The following KRT72 variants were observed in gnomAD, a reference collection of about 807,000 sequenced individuals.
KRT72 encodes the protein keratin 72.
A neutral mutation model predicts 44.7 loss-of-function variants in KRT72; 44 were observed. That is an observed-to-expected ratio of 0.98 (90% CI 0.77 to 1.27). The LOEUF is 1.27. Ranked by LOEUF, KRT72 falls within the 50% of genes most tolerant of loss-of-function variation. KRT72 has a pLI of 0.00. For missense variants in KRT72, 736 were observed against 667.1 expected, an observed-to-expected ratio of 1.10 and a Z score of -1.14; for synonymous variants, 302 against 280.4, an observed-to-expected ratio of 1.08 and a Z score of -0.77.
In KRT72 at chr12:52,585,994, CT is replaced by C; in HGVS notation, c.1523del (p.Lys508ArgfsTer134). 6.2e-7 allele frequency: 1 copy of C among 1,613,070 alleles called. No homozygotes were observed. Among genetic ancestry groups the C allele is most frequent in the Non-Finnish European group, 8.5e-7 (1 of 1,179,352 alleles). The stretch of plus-strand genomic sequence containing the variant: ...AACCACTTGTCCATCATCTGGAGGC[CT>C]TTTTGGTGGCACAGCTGCTCCCCGA... ...KTSGSSCATK[K>X]ASR On this transcript the variant is annotated frameshift_variant, in exon 9 of 9. Coordinates refer to ENST00000293745, the MANE Select transcript of KRT72 (RefSeq NM_080747.3). LOFTEE classifies it high-confidence loss of function.
chr12:52,590,627 C>T (rs1055627208), intron 6 of KRT72, among the ~76,000 whole-genome samples: 5 of 152,208 alleles, frequency 3.3e-5, no homozygotes, highest in Non-Finnish European at 5.9e-5. Flanking sequence ...CTGGGGTCCT[C>T]ATTCACCTCT....
At chr12:52,591,972 C>A (rs139917381) in intron 4 of KRT72, among the ~76,000 whole-genome samples, 124 of 152,316 alleles carry the variant, frequency 8.1e-4, no homozygotes, top group African/African-American at 2.8e-3. Context: ...GTCCCTTCCC[C>A]AGGCCTCTGC....
Position 52,585,689 on chromosome 12 carries a change from G to A in KRT72, c.*293C>T. The A allele has an allele frequency of 3.1e-6, 1 of 323,202 alleles. No individual in the cohort carries two copies. Among genetic ancestry groups the A allele is most frequent in the Non-Finnish European group, 5.7e-6 (1 of 175,330 alleles). 20.0% of individuals were successfully genotyped at this position (323,202 alleles called of 1,614,324 possible). On this transcript the variant is annotated 3_prime_UTR_variant, in exon 9 of 9. Coordinates refer to ENST00000293745, the MANE Select transcript of KRT72 (RefSeq NM_080747.3). ...GTAGTGAAGGCCCAAGAAAGGCATG[G>A]GGGCAGAGGGGCTTGTAGCTGGCCT...
chr12:52,596,620 C>T (rs1940235481), intron 2 of KRT72, among the ~76,000 whole-genome samples: 1 of 151,206 alleles, frequency 6.6e-6, no homozygotes, highest in South Asian at 2.1e-4. Flanking sequence ...GGCTTGATCT[C>T]AGCTCACTGC....
intron 2 of KRT72, among the ~76,000 whole-genome samples, chr12:52,596,903 G>GCT (rs1366618572): frequency 6.6e-6 from 1 of 152,110 alleles, no homozygotes; most frequent in Non-Finnish European, 1.5e-5. Context: ...AAAAGACTTA[G>GCT]AGGCATAAAA....
intron 1 of KRT72, 91 bp from the exon 2 acceptor site, chr12:52,599,203 C>T: frequency 8.6e-7 from 1 of 1,165,212 alleles, no homozygotes. Flanking sequence ...GGCAGCCATC[C>T]TGGGGGACTG....
At chr12:52,588,118 C>T (rs1411874021) in intron 6 of KRT72, among the ~76,000 whole-genome samples, 2 of 152,202 alleles carry the variant, frequency 1.3e-5, no homozygotes, top group South Asian at 2.1e-4. Context: ...GCGGCCTGGG[C>T]ACATGGCCCC....
chr12:52,602,202 C>T (rs1940497973), upstream of KRT72, among the ~76,000 whole-genome samples: 1 of 152,176 alleles, frequency 6.6e-6, no homozygotes, highest in African/African-American at 2.4e-5. Context: ...GGAGGTGGTA[C>T]AGGAAGACTC....
Position 52,592,401 on chromosome 12 carries a change from C to A in KRT72, c.793G>T (p.Glu265Ter). The A allele has an allele frequency of 6.2e-7, 1 of 1,609,330 alleles. No individual in the cohort carries two copies. Among genetic ancestry groups the A allele is most frequent in the Non-Finnish European group, 8.5e-7 (1 of 1,175,700 alleles). The part of the protein sequence containing the change: ...DEIKFFKCLY[E>*]GEITQIQSHI... ...GAGGTCAGCCAAGTCCTTACCCCTT[C>A]ATAAAGGCACTTGAAGAATTTAATC... is the stretch of plus-strand genomic sequence containing the variant. The change falls in exon 4 of 9, where the codon GAA becomes TAA. Residue 265 changes from glutamate (E) to a stop codon, truncating the protein, a stop_gained. Transcript: ENST00000293745. LOFTEE classifies it high-confidence loss of function.
Position 52,599,026 on chromosome 12 carries a change from G to A in KRT72, c.513C>T (p.Asn171=). ...QQLDLNNCRK[N]LEPIYEGYIS... ...TGTAGCCCTCATAAATGGGCTCCAGGTTCTTCCTGCAGTTGTTCAAGTCCA... is the reference window on the plus strand; with the variant it reads ...TGTAGCCCTCATAAATGGGCTCCAGATTCTTCCTGCAGTTGTTCAAGTCCA... Residue 171 remains asparagine, a synonymous_variant, in exon 2 of 9, where the codon AAC becomes AAT. Transcript: ENST00000293745. 1 of 1,613,932 alleles carries A rather than the reference G, an allele frequency of 6.2e-7. No individual in the cohort carries two copies. Among genetic ancestry groups the A allele is most frequent in the Non-Finnish European group, 8.5e-7 (1 of 1,179,860 alleles).
intron 2 of KRT72, among the ~76,000 whole-genome samples, chr12:52,594,294 A>T (rs1450653654): frequency 6.6e-6 from 1 of 152,214 alleles, no homozygotes; most frequent in African/African-American, 2.4e-5. Flanking sequence ...ATGCTACTAT[A>T]AAGACACATG....
At chr12:52,588,058 G>A (rs1013160523) in intron 6 of KRT72, among the ~76,000 whole-genome samples, 1 of 152,212 alleles carries the variant, frequency 6.6e-6, no homozygotes, top group Non-Finnish European at 1.5e-5. Flanking sequence ...GCATCTGAAA[G>A]TAGAAAACCT....
chr12:52,587,450 G>C (rs1939811077), intron 7 of KRT72, among the ~76,000 whole-genome samples, 181 bp downstream of exon 7: 1 of 152,118 alleles, frequency 6.6e-6, no homozygotes, highest in Non-Finnish European at 1.5e-5. Context: ...CAGCCTTTGG[G>C]ATTTTTTACA....
chr12:52,586,194 C>T (rs775114491), intron 8 of KRT72, 22 bp from the exon 9 acceptor site: 1 of 1,603,414 alleles, frequency 6.2e-7, no homozygotes, highest in South Asian at 1.1e-5. Context: ...GAGAGAAGAC[C>T]TCAGCCCCCG....
At chr12:52,600,984 A>C (rs375352992) in intron 1 of KRT72, 43 bp downstream of exon 1, 1 of 1,599,892 alleles carries the variant, frequency 6.3e-7, no homozygotes, top group East Asian at 2.2e-5. Flanking sequence ...ACCACTGTGC[A>C]CATGCGCCCA....
At chr12:52,600,652 T>C (rs184091326) in intron 1 of KRT72, among the ~76,000 whole-genome samples, 1 of 152,114 alleles carries the variant, frequency 6.6e-6, no homozygotes, top group Non-Finnish European at 1.5e-5. Context: ...CGCCGCCATA[T>C]AAGACGTGAC....
At position 52,601,382 on chromosome 12, in the gene KRT72, G is replaced by A; in HGVS notation, c.71C>T (p.Ser24Phe). The change falls in exon 1 of 9, where the codon TCT becomes TTT. Residue 24 changes from serine to phenylalanine, a missense_variant. By Grantham distance (155) the Ser-to-Phe change is radical. Coordinates refer to ENST00000293745, the MANE Select transcript of KRT72 (RefSeq NM_080747.3). ...LGFSGCSAVL[S>F]GGIGSSSASF... ...GGCGGAGCTGCTGCCGATCCCGCCA[G>A]AGAGGACCGCGGAGCAACCGCTGAA... The A allele has an allele frequency of 6.5e-7, 1 of 1,542,848 alleles. No individual in the cohort carries two copies. The highest frequency in any genetic ancestry group is 1.2e-5 in the South Asian group (1 of 84,090).
At position 52,590,715 on chromosome 12, in the gene KRT72, C is replaced by T. The variant is rs958144911; in HGVS notation, c.1089+121G>A. 4.2e-6 allele frequency: 4 copies of T among 948,218 alleles called. No homozygotes were observed. The Admixed American group carries it at 9.4e-5, about 22-fold the overall frequency. 58.7% of individuals were successfully genotyped at this position (948,218 alleles called of 1,614,324 possible). The stretch of plus-strand genomic sequence containing the variant: ...CCTCCATATCTGTTCAGATCATCCT[C>T]TCCTGGTAAATTAGAGGAGGCCCTA... On this transcript the variant is annotated intron_variant, in intron 6 of 8. Transcript: ENST00000293745.
At chr12:52,601,005 A>G (rs754187888) in intron 1 of KRT72, 22 bp downstream of exon 1, 1 of 1,608,394 alleles carries the variant, frequency 6.2e-7, no homozygotes. Flanking sequence ...ACGCAGGGAC[A>G]GGCCAATGCC....
Sources: gnomAD v4.1 joint callset for allele counts (sites outside exome capture counted in the v4.1 genomes callset) on GRCh38, gnomAD v4.1.1 for gene constraint, MANE v1.5 for transcripts, NCBI Gene and HGNC (gene_info 2026-07-23, HGNC 2026-07-21) for gene names.